FERMT3: variants seen among roughly 807,000 people sequenced by gnomAD.
FERMT3 encodes fermitin family homolog 3.
In FERMT3, 33 loss-of-function variants were observed where a neutral mutation model predicts 80.8. The observed-to-expected ratio is 0.41, with a 90% CI of 0.31 to 0.55. The LOEUF (loss-of-function observed/expected upper bound fraction) is 0.55, where lower values mean the gene tolerates loss of function less well. FERMT3 is among the 20% of genes least tolerant of loss of function. The pLI is 0.31. For synonymous variants in FERMT3, 375 were observed against 372.2 expected, an observed-to-expected ratio of 1.01 and a Z score of -0.09; for missense variants, 754 against 908.7, an observed-to-expected ratio of 0.83 and a Z score of 2.19.
At chr11:64,218,457 C>G (rs1487990410) in intron 6 of FERMT3, among the ~76,000 whole-genome samples, 1 of 152,070 alleles carries the variant, frequency 6.6e-6, no homozygotes, top group Non-Finnish European at 1.5e-5. Flanking sequence ...GCACGCACCA[C>G]CTCATGTGGC....
intron 12 of FERMT3, 26 bp downstream of exon 12, chr11:64,220,695 T>G (rs1290235535): frequency 2.5e-6 from 4 of 1,584,606 alleles, no homozygotes; most frequent in Middle Eastern, 3.3e-4. Flanking sequence ...AGGGTGGGAA[T>G]GAGCATAGTG....
Position 64,211,369 on chromosome 11 carries a change from G to A in FERMT3, c.609G>A (p.Pro203=), listed in dbSNP as rs559712391. The change falls in exon 5 of 15, where the codon CCG becomes CCA. Residue 203 remains proline, a synonymous_variant. Transcript: ENST00000345728. This position sits in a 1 kb window ranked among gnomAD's most constrained non-coding sequence, Gnocchi z 4.7. ...ACYHMLSRPQ[P]PPDPLLLQRL... ...ACCACATGCTGAGCCGGCCCCAGCC[G>A]CCACCCGACCCCCTCCTGCTCCAGC... The A allele has an allele frequency of 1.6e-5, 26 of 1,609,836 alleles. No homozygotes were observed. Among genetic ancestry groups the A allele is most frequent in the South Asian group, 7.7e-5 (7 of 90,530 alleles).
Position 64,207,500 on chromosome 11 carries a change from C to T in FERMT3, c.136C>T (p.Leu46Phe). ...VTGESHIGGV[L>F]LKIVEQINRK... ...TGGGGAGTCGCACATCGGCGGGGTG[C>T]TCCTGAAGATTGTGGAGCAGATCAG... Residue 46 changes from leucine (L) to phenylalanine (F), a missense_variant, in exon 2 of 15, where the codon CTC becomes TTC. By Grantham distance (22) the Leu-to-Phe change is conservative. Coordinates refer to ENST00000345728, the MANE Select transcript of FERMT3 (RefSeq NM_031471.6). The T allele has an allele frequency of 6.2e-7, 1 of 1,612,704 alleles. No homozygotes were observed. Among genetic ancestry groups the T allele is most frequent in the Non-Finnish European group, 8.5e-7 (1 of 1,179,258 alleles).
chr11:64,215,832 ATTT>A (rs766923508), intron 6 of FERMT3, among the ~76,000 whole-genome samples: 1 of 138,000 alleles, frequency 7.2e-6, no homozygotes, highest in African/African-American at 2.7e-5. Context: ...AGAAGTTGGG[ATTT>A]TTTTTTTTTT....
At chr11:64,207,097 C>T (rs752353030) in intron 1 of FERMT3, among the ~76,000 whole-genome samples, 13 of 152,194 alleles carry the variant, frequency 8.5e-5, no homozygotes, top group East Asian at 1.9e-4. Context: ...CCTTCTTACC[C>T]GGCCTCAGTC....
rs780496022 is a variant in FERMT3 at position 64,219,941 on chromosome 11, A to G, written c.1130A>G (p.Lys377Arg). Residue 377 changes from lysine (K) to arginine (R), a missense_variant, in exon 10 of 15, where the codon AAG becomes AGG. By Grantham distance (26) the Lys-to-Arg change is conservative. Transcript: ENST00000345728. This position sits in a 1 kb window ranked among gnomAD's most constrained non-coding sequence, Gnocchi z 4.0. Reference protein sequence around the residue: ...KGYRQHWVVFKETTLSYYKSQ... With the variant: ...KGYRQHWVVFRETTLSYYKSQ... Reference sequence around the variant, plus strand: ...TACCGCCAACACTGGGTGGTGTTCAAGGAGACCACACTGTCCTACTACAAG... The same window carrying G: ...TACCGCCAACACTGGGTGGTGTTCAGGGAGACCACACTGTCCTACTACAAG... 5 of 1,613,764 alleles carry G rather than the reference A, an allele frequency of 3.1e-6. No homozygotes were observed. Among genetic ancestry groups the G allele is most frequent in the Non-Finnish European group, 4.2e-6 (5 of 1,180,000 alleles).
In FERMT3 at chr11:64,210,217, T is replaced by A. The variant is rs1946405150; in HGVS notation, c.161-394T>A. On this transcript the variant is annotated intron_variant, in intron 2 of 14. Coordinates refer to ENST00000345728, the MANE Select transcript of FERMT3 (RefSeq NM_031471.6). This position sits in a 1 kb window ranked among gnomAD's most constrained non-coding sequence, Gnocchi z 4.3. Reference sequence around the variant, plus strand: ...AGGACATACAACGGTGAGACAGACGTAGTCTCTGCCTCCAGGAGCTCCCCA... The same window carrying A: ...AGGACATACAACGGTGAGACAGACGAAGTCTCTGCCTCCAGGAGCTCCCCA... 6.6e-6 allele frequency among the ~76,000 whole-genome samples: 1 copy of A among 152,124 alleles called. No individual in the cohort carries two copies. Among genetic ancestry groups the A allele is most frequent in the Non-Finnish European group, 1.5e-5 (1 of 67,988 alleles).
chr11:64,207,725 T>G, intron 2 of FERMT3: 1 of 618,656 alleles, frequency 1.6e-6, no homozygotes, highest in East Asian at 3.0e-5. Context: ...CCCTCCCTTC[T>G]GCTGCAGCTG....
At chr11:64,216,106 A>G (rs899748176) in intron 6 of FERMT3, among the ~76,000 whole-genome samples, 3 of 151,846 alleles carry the variant, frequency 2.0e-5, no homozygotes, top group African/African-American at 7.3e-5. Context: ...TGCTAGGATT[A>G]CACGCGTGAG....
At position 64,211,419 on chromosome 11, in the gene FERMT3, C is replaced by T; in HGVS notation, c.659C>T (p.Ser220Leu). Residue 220 changes from serine (S) to leucine (L), a missense_variant, in exon 5 of 15, where the codon TCA (serine) becomes TTA (leucine). By Grantham distance (145) the Ser-to-Leu change is moderately radical (BLOSUM62 -2). Coordinates refer to ENST00000345728, the MANE Select transcript of FERMT3 (RefSeq NM_031471.6). The surrounding 1 kb of genome is among the most constrained non-coding windows in gnomAD (Gnocchi z 4.7). Reference sequence around the variant, plus strand: ...CGTCTGCCACGGCCCAGCTCCCTGTCAGACAAGACCCAGCTCCACAGCAGG... The same window carrying T: ...CGTCTGCCACGGCCCAGCTCCCTGTTAGACAAGACCCAGCTCCACAGCAGG... ...LQRLPRPSSL[S>L]DKTQLHSRWL... 6.3e-7 allele frequency: 1 copy of T among 1,599,286 alleles called. No homozygotes were observed. The highest frequency in any genetic ancestry group is 8.5e-7 in the Non-Finnish European group (1 of 1,174,920).
chr11:64,213,196 T>G (rs1383656150), intron 6 of FERMT3, among the ~76,000 whole-genome samples: 2 of 152,038 alleles, frequency 1.3e-5, no homozygotes, highest in Non-Finnish European at 2.9e-5. Context: ...CTGGCTAATT[T>G]TTGTATTTTT....
At chr11:64,213,643 C>T (rs564870654) in intron 6 of FERMT3, among the ~76,000 whole-genome samples, 43 of 150,436 alleles carry the variant, frequency 2.9e-4, no homozygotes, top group African/African-American at 7.1e-4. Context: ...TCACAACCTC[C>T]GCCTCCTGGG....
intron 6 of FERMT3, among the ~76,000 whole-genome samples, chr11:64,212,948 C>T (rs1287990819): frequency 6.6e-6 from 1 of 151,956 alleles, no homozygotes; most frequent in Non-Finnish European, 1.5e-5. Flanking sequence ...GACTGGAGGG[C>T]AGTAGTGTTA....
chr11:64,212,979 G>T (rs1300626701), intron 6 of FERMT3, among the ~76,000 whole-genome samples: 1 of 151,834 alleles, frequency 6.6e-6, no homozygotes, highest in African/African-American at 2.4e-5. Flanking sequence ...CTGCAGCCTG[G>T]ACCTCCCAGG....
chr11:64,215,620 C>T (rs1054365552), intron 6 of FERMT3, among the ~76,000 whole-genome samples: 4 of 152,118 alleles, frequency 2.6e-5, no homozygotes, highest in African/African-American at 9.7e-5. Context: ...GTCACCCAGA[C>T]TAGAGTGCAG....
rs545496747 is a variant in FERMT3, at chr11:64,210,221, C to T, written c.161-390C>T. Among the ~76,000 whole-genome samples the T allele has an allele frequency of 1.3e-5, 2 of 152,316 alleles. No individual in the cohort carries two copies. Among genetic ancestry groups the T allele is most frequent in the African/African-American group, 4.8e-5 (2 of 41,562 alleles). On this transcript the variant is annotated intron_variant, in intron 2 of 14. Coordinates refer to ENST00000345728, the MANE Select transcript of FERMT3 (RefSeq NM_031471.6). This position sits in a 1 kb window ranked among gnomAD's most constrained non-coding sequence, Gnocchi z 4.3. ...CATACAACGGTGAGACAGACGTAGT[C>T]TCTGCCTCCAGGAGCTCCCCAGAAT...
chr11:64,211,456 G>T lies in FERMT3; in HGVS notation c.683+13G>T. Reference sequence around the variant, plus strand: ...AGCTCCACAGCAGGTGCACCCAGGAGCCACGCCCCCTGTGTCAGGGCTCCC... The same window carrying T: ...AGCTCCACAGCAGGTGCACCCAGGATCCACGCCCCCTGTGTCAGGGCTCCC... On this transcript the variant is annotated intron_variant, in intron 5 of 14. Coordinates refer to ENST00000345728, the MANE Select transcript of FERMT3 (RefSeq NM_031471.6). This position sits in a 1 kb window ranked among gnomAD's most constrained non-coding sequence, Gnocchi z 4.7. 6.3e-7 allele frequency: 1 copy of T among 1,575,178 alleles called. No individual in the cohort carries two copies. Among genetic ancestry groups the T allele is most frequent in the East Asian group, 2.3e-5 (1 of 43,040 alleles).
chr11:64,209,836 G>A (rs549038081), intron 2 of FERMT3, among the ~76,000 whole-genome samples: 58 of 152,150 alleles, frequency 3.8e-4, no homozygotes, highest in Non-Finnish European at 7.2e-4. Flanking sequence ...GCAGCTTTCC[G>A]GCAGCCTTTT....
In FERMT3 at chr11:64,219,204, T is replaced by G; in HGVS notation, c.787-47T>G. The G allele has an allele frequency of 6.5e-7, 1 of 1,530,068 alleles. No homozygotes were observed. The highest frequency in any genetic ancestry group is 2.4e-5 in the East Asian group (1 of 40,886). The allele number at this position is 1,530,068 out of a possible 1,614,324, so 94.8% of individuals were successfully genotyped here. A position where few individuals can be genotyped will look rare whatever the true frequency, so the allele number is the denominator to read the frequency against. On this transcript the variant is annotated intron_variant, in intron 6 of 14. Coordinates refer to ENST00000345728, the MANE Select transcript of FERMT3 (RefSeq NM_031471.6). This position sits in a 1 kb window ranked among gnomAD's most constrained non-coding sequence, Gnocchi z 4.0. ...CTCAGTGCAGGGCGTCCAGGGCAGC[T>G]GGCATCTGACCAGCCCAGCCTCCAG... is the stretch of plus-strand genomic sequence containing the variant.
Sources: allele counts gnomAD v4.1 joint callset (sites outside exome capture counted in the v4.1 genomes callset), GRCh38; gene constraint gnomAD v4.1.1; non-coding constraint Gnocchi (gnomAD v3.1); transcripts MANE v1.5; gene names NCBI Gene and HGNC (gene_info 2026-07-23, HGNC 2026-07-21).